The following PPHLN1 variants were observed in gnomAD, a reference collection of about 807,000 sequenced individuals.
PPHLN1 encodes the protein periphilin-1.
Under a neutral mutation model 51.3 loss-of-function variants are expected in PPHLN1, and 29 were observed. That is an observed-to-expected ratio of 0.57 (90% CI 0.42 to 0.77). The LOEUF (loss-of-function observed/expected upper bound fraction) is 0.77, where lower values mean the gene tolerates loss of function less well. PPHLN1 is among the 30% of genes least tolerant of loss of function. PPHLN1 has a pLI of 0.00. For missense variants in PPHLN1, 436 were observed against 438.4 expected (o/e 0.99, Z 0.05); for synonymous variants, 147 against 147.8 (o/e 0.99, Z 0.04).
intron 2 of PPHLN1, among the ~76,000 whole-genome samples, chr12:42,342,575 C>T (rs1459759411): frequency 6.6e-6 from 1 of 152,180 alleles, no homozygotes; most frequent in African/African-American, 2.4e-5. Context: ...AGAGAAGTTC[C>T]AGTTTCAGAA....
chr12:42,442,677 T>C (rs982393303), downstream of PPHLN1: 2 of 1,614,056 alleles, frequency 1.2e-6, no homozygotes, highest in Non-Finnish European at 8.5e-7. Context: ...GTACCCCCTG[T>C]GAGGAACACT....
At chr12:42,411,157 T>A (rs906843858) in intron 9 of PPHLN1, among the ~76,000 whole-genome samples, 1 of 152,026 alleles carries the variant, frequency 6.6e-6, no homozygotes, top group African/African-American at 2.4e-5. Context: ...TTCCTTACAC[T>A]TTTTTGTTTC....
chr12:42,382,123 G>T (rs904012110), intron 5 of PPHLN1, among the ~76,000 whole-genome samples: 2 of 152,112 alleles, frequency 1.3e-5, no homozygotes, highest in Non-Finnish European at 2.9e-5. Flanking sequence ...AAACACAGCA[G>T]CAAGAAAGTG....
intron 9 of PPHLN1, among the ~76,000 whole-genome samples, chr12:42,436,718 G>T (rs2082517840): frequency 6.6e-6 from 1 of 152,116 alleles, no homozygotes; most frequent in African/African-American, 2.4e-5. Context: ...AACTGAGAGG[G>T]CTACTAAGTG....
At chr12:42,370,365 T>C (rs186757940) in intron 4 of PPHLN1, among the ~76,000 whole-genome samples, 2 of 152,376 alleles carry the variant, frequency 1.3e-5, no homozygotes, top group African/African-American at 4.8e-5. Context: ...TAAAACTTTC[T>C]AATTTGCATA....
intron 3 of PPHLN1, 123 bp downstream of exon 3, chr12:42,352,172 T>C: frequency 2.3e-6 from 2 of 876,070 alleles, no homozygotes; most frequent in Non-Finnish European, 3.1e-6. Flanking sequence ...GATGCTCTCA[T>C]GTGAATTGCC....
At chr12:42,355,926 T>G (rs1283662928) in intron 4 of PPHLN1, among the ~76,000 whole-genome samples, 1 of 152,212 alleles carries the variant, frequency 6.6e-6, no homozygotes, top group Non-Finnish European at 1.5e-5. Flanking sequence ...AAGTCTATTA[T>G]AAGGCATCTC....
intron 4 of PPHLN1, 27 bp downstream of exon 4, chr12:42,355,249 G>T (rs780283962): frequency 6.3e-7 from 1 of 1,587,412 alleles, no homozygotes; most frequent in Non-Finnish European, 8.6e-7. Flanking sequence ...AATAGCATAA[G>T]TACTTTGATA....
chr12:42,417,921 T>G (rs781182094), intron 9 of PPHLN1, among the ~76,000 whole-genome samples: 7 of 40,668 alleles, frequency 1.7e-4, no homozygotes, highest in South Asian at 1.6e-3. Context: ...AAAGCCCTAG[T>G]TTTTTTTTTT....
At chr12:42,330,969 A>G (rs1193346550) in intron 1 of PPHLN1, among the ~76,000 whole-genome samples, 1 of 152,222 alleles carries the variant, frequency 6.6e-6, no homozygotes, top group Admixed American at 6.5e-5. Flanking sequence ...TCGGCCTCCC[A>G]AAGTGCTGGG....
At chr12:42,343,152 C>A (rs1565762775) in intron 2 of PPHLN1, among the ~76,000 whole-genome samples, 1 of 152,192 alleles carries the variant, frequency 6.6e-6, no homozygotes, top group South Asian at 2.1e-4. Flanking sequence ...CAGTTATATA[C>A]ATATTCCATA....
chr12:42,347,686 A>G (rs766819411), intron 2 of PPHLN1, among the ~76,000 whole-genome samples: 7 of 152,208 alleles, frequency 4.6e-5, no homozygotes, highest in African/African-American at 1.2e-4. Flanking sequence ...AGGCTGAGGC[A>G]GGAGAATCAT....
At chr12:42,338,217 A>G (rs1164159249) in intron 2 of PPHLN1, among the ~76,000 whole-genome samples, 1 of 151,948 alleles carries the variant, frequency 6.6e-6, no homozygotes, top group African/African-American at 2.4e-5. Context: ...GTCAGCCACC[A>G]CTCCAGGCCC....
At chr12:42,395,739 A>G (rs1212217232) in intron 8 of PPHLN1, among the ~76,000 whole-genome samples, 1 of 152,078 alleles carries the variant, frequency 6.6e-6, no homozygotes, top group Non-Finnish European at 1.5e-5. Flanking sequence ...AATTGTGGCA[A>G]TATTTTATTT....
intron 9 of PPHLN1, among the ~76,000 whole-genome samples, chr12:42,419,593 G>A (rs2080804425): frequency 6.6e-6 from 1 of 152,106 alleles, no homozygotes; most frequent in Admixed American, 6.5e-5. Flanking sequence ...GAGTAGGGTG[G>A]TTTTTAGTTT....
chr12:42,404,528 T>TCAACAACAACAACAA lies in PPHLN1; in HGVS notation c.909+5544_909+5558dup, dbSNP rs143140913. Among the ~76,000 whole-genome samples the TCAACAACAACAACAA allele has an allele frequency of 5.4e-3, 813 of 151,000 alleles. 3 individuals are homozygous for TCAACAACAACAACAA. Among genetic ancestry groups the TCAACAACAACAACAA allele is most frequent in the African/African-American group, 0.011 (443 of 40,924 alleles). On this transcript the variant is annotated intron_variant, in intron 9 of 9. Transcript: ENST00000358314. ...TGGGCAACAAGAGCAAAACTCCGTC[T>TCAACAACAACAACAA]CAACAACAACAACAACAACAACAAA...
chr12:42,409,683 T>A (rs957536396), intron 9 of PPHLN1, among the ~76,000 whole-genome samples: 2 of 152,126 alleles, frequency 1.3e-5, no homozygotes, highest in Non-Finnish European at 2.9e-5. Context: ...CATTGAAAAC[T>A]GCTTTAAGGT....
In PPHLN1 at chr12:42,351,918, A is replaced by G; in HGVS notation, c.106A>G (p.Lys36Glu). ...GYNRLVNIVP[K>E]KPPLLDRPGE... is the part of the protein sequence containing the mutation. ...CAATAGACTAGTTAATATTGTGCCAAAGAAACCACCACTGCTAGACAGACC... is the reference window on the plus strand; with the variant it reads ...CAATAGACTAGTTAATATTGTGCCAGAGAAACCACCACTGCTAGACAGACC... Residue 36 changes from lysine (K) to glutamate (E), a missense_variant, in exon 3 of 10, where the codon AAG becomes GAG. Coordinates refer to ENST00000358314, the MANE Select transcript of PPHLN1 (RefSeq NM_201439.2). 1 of 1,581,070 alleles carries G rather than the reference A, an allele frequency of 6.3e-7. No individual in the cohort carries two copies.
chr12:42,441,089 A>C (rs1317910041), intron 9 of PPHLN1, among the ~76,000 whole-genome samples: 16 of 152,212 alleles, frequency 1.1e-4, no homozygotes, highest in South Asian at 2.1e-4. Flanking sequence ...TCAGTAATGT[A>C]GTTTGTTAAT....
Sources: gnomAD v4.1 joint callset for allele counts (sites outside exome capture counted in the v4.1 genomes callset) on GRCh38, gnomAD v4.1.1 for gene constraint, MANE v1.5 for transcripts, NCBI Gene and HGNC (gene_info 2026-07-23, HGNC 2026-07-21) for gene names.